The following FBXL7 variants were observed in gnomAD, a reference collection of about 807,000 sequenced individuals.
The protein encoded by FBXL7 is F-box and leucine rich repeat protein 7, also known as F-box/LRR-repeat protein 7.
Under a neutral mutation model 38.3 loss-of-function variants are expected in FBXL7, and 12 were observed. The observed-to-expected ratio is 0.31, with a 90% CI of 0.20 to 0.51. The LOEUF (loss-of-function observed/expected upper bound fraction) is 0.51, where lower values mean the gene tolerates loss of function less well. Ranked by LOEUF, FBXL7 falls within the 20% of genes least tolerant of loss-of-function variation. The probability of loss-of-function intolerance (pLI) is 0.98; values close to 1 mark genes in which losing one functional copy is unlikely to be tolerated. For synonymous variants in FBXL7, 297 were observed against 300.9 expected, an observed-to-expected ratio of 0.99 and a Z score of 0.13; for missense variants, 567 against 676.4, an observed-to-expected ratio of 0.84 and a Z score of 1.79.
chr5:15,801,328 G>T (rs1737558034), intron 2 of FBXL7, among the ~76,000 whole-genome samples: 1 of 152,150 alleles, frequency 6.6e-6, no homozygotes, highest in Non-Finnish European at 1.5e-5. Flanking sequence ...TAACTTACAG[G>T]TTAAGTCCAT....
At chr5:15,933,588 A>G (rs1261015293) in intron 3 of FBXL7, among the ~76,000 whole-genome samples, 6 of 152,338 alleles carry the variant, frequency 3.9e-5, no homozygotes, top group Non-Finnish European at 7.3e-5. Context: ...CAAAACCACA[A>G]AGCCCACTGG....
At chr5:15,686,019 T>C (rs1200094665) in intron 2 of FBXL7, among the ~76,000 whole-genome samples, 1 of 152,172 alleles carries the variant, frequency 6.6e-6, no homozygotes, top group Admixed American at 6.5e-5. Context: ...GTTGCCCCTT[T>C]TGCCATAGAG....
chr5:15,563,830 A>T (rs1224701382), intron 1 of FBXL7, among the ~76,000 whole-genome samples: 1 of 152,132 alleles, frequency 6.6e-6, no homozygotes, highest in East Asian at 1.9e-4. Flanking sequence ...GATGCCTCAT[A>T]AAATGAAGCT....
At chr5:15,642,926 T>C (rs1741413723) in intron 2 of FBXL7, among the ~76,000 whole-genome samples, 1 of 152,230 alleles carries the variant, frequency 6.6e-6, no homozygotes, top group Non-Finnish European at 1.5e-5. Flanking sequence ...AACTCTACTT[T>C]CTGCCTTTCT....
intron 1 of FBXL7, among the ~76,000 whole-genome samples, chr5:15,519,510 C>T (rs1052764111): frequency 6.6e-6 from 1 of 151,854 alleles, no homozygotes; most frequent in African/African-American, 2.4e-5. Flanking sequence ...ACAGGAACTT[C>T]CTGTCTGTGG....
intron 2 of FBXL7, among the ~76,000 whole-genome samples, chr5:15,737,650 C>T (rs1294884865): frequency 2.0e-5 from 3 of 152,052 alleles, no homozygotes; most frequent in Admixed American, 6.5e-5. Context: ...TGAGAAATAC[C>T]CTGCGCTTCA....
chr5:15,774,085 C>G (rs185632916), intron 2 of FBXL7, among the ~76,000 whole-genome samples: 5 of 152,034 alleles, frequency 3.3e-5, no homozygotes, highest in South Asian at 4.1e-4. Flanking sequence ...GGTCAGAAGT[C>G]TAAATCAAGG....
intron 1 of FBXL7, among the ~76,000 whole-genome samples, chr5:15,507,134 C>T (rs984692806): frequency 2.4e-4 from 36 of 152,006 alleles, no homozygotes; most frequent in African/African-American, 8.7e-4. Flanking sequence ...TGCTGCCTGA[C>T]TTATTGGATA....
intron 2 of FBXL7, among the ~76,000 whole-genome samples, chr5:15,744,695 T>G (rs1293707794): frequency 6.6e-6 from 1 of 152,214 alleles, no homozygotes; most frequent in African/African-American, 2.4e-5. Flanking sequence ...TGTAGCAATT[T>G]AGTGTATTAA....
At chr5:15,762,969 C>CG (rs1561116813) in intron 2 of FBXL7, among the ~76,000 whole-genome samples, 4 of 152,198 alleles carry the variant, frequency 2.6e-5, no homozygotes, top group Admixed American at 1.3e-4. Context: ...TTAAATGGCC[C>CG]CAAATTGCTC....
chr5:15,813,189 G>A (rs1411333992), intron 2 of FBXL7, among the ~76,000 whole-genome samples: 1 of 152,008 alleles, frequency 6.6e-6, no homozygotes, highest in Non-Finnish European at 1.5e-5. Flanking sequence ...GGTGAGGGAG[G>A]GCATCCTTGT....
chr5:15,897,108 G>C (rs1741121401), intron 2 of FBXL7, among the ~76,000 whole-genome samples: 1 of 152,198 alleles, frequency 6.6e-6, no homozygotes, highest in East Asian at 1.9e-4. Context: ...ACTCCAGCCT[G>C]GGTGATGGAG....
At chr5:15,807,364 A>G (rs1400802391) in intron 2 of FBXL7, among the ~76,000 whole-genome samples, 2 of 152,204 alleles carry the variant, frequency 1.3e-5, no homozygotes, top group Non-Finnish European at 2.9e-5. Context: ...GAGATCCTCC[A>G]CATGCCTCTT....
chr5:15,736,060 A>G (rs904873243), intron 2 of FBXL7, among the ~76,000 whole-genome samples: 1 of 152,212 alleles, frequency 6.6e-6, no homozygotes, highest in Non-Finnish European at 1.5e-5. Flanking sequence ...GTTGCTTCAG[A>G]TGTAAGATTT....
intron 2 of FBXL7, among the ~76,000 whole-genome samples, chr5:15,806,029 A>G (rs1737702750): frequency 6.6e-6 from 1 of 152,192 alleles, no homozygotes; most frequent in Admixed American, 6.5e-5. Context: ...ACAGAATAAA[A>G]TTTTACAAGT....
Position 15,928,616 on chromosome 5 carries a change from G to A in FBXL7, c.739+115G>A, listed in dbSNP as rs574435787. ...CTTGCAAGCCATCAGAGATGGGGGCGGGTGGTAGGGAGGCTGGCTTTTGCA... is the reference window on the plus strand; with the variant it reads ...CTTGCAAGCCATCAGAGATGGGGGCAGGTGGTAGGGAGGCTGGCTTTTGCA... On this transcript the variant is annotated intron_variant, in intron 3 of 3. Coordinates refer to ENST00000504595, the MANE Select transcript of FBXL7 (RefSeq NM_012304.5). The surrounding 1 kb of genome is among the most constrained non-coding windows in gnomAD (Gnocchi z 4.0). 27 of 1,361,046 alleles carry A rather than the reference G, an allele frequency of 2.0e-5. No individual in the cohort carries two copies. In the African/African-American group the frequency reaches 2.3e-4, roughly 12 times the overall value. The allele number at this position is 1,361,046 out of a possible 1,614,324, so 84.3% of individuals were successfully genotyped here.
chr5:15,579,488 C>T (rs1371311283), intron 1 of FBXL7, among the ~76,000 whole-genome samples: 1 of 152,190 alleles, frequency 6.6e-6, no homozygotes, highest in Admixed American at 6.5e-5. Flanking sequence ...TTACGAAACA[C>T]AGATGCTTCC....
chr5:15,566,356 G>A (rs903249246), intron 1 of FBXL7, among the ~76,000 whole-genome samples: 2 of 152,150 alleles, frequency 1.3e-5, no homozygotes, highest in Admixed American at 1.3e-4. Flanking sequence ...TATAAGTTGA[G>A]TTGGCAGAGA....
chr5:15,791,959 G>T (rs1461169442), intron 2 of FBXL7, among the ~76,000 whole-genome samples: 2 of 152,144 alleles, frequency 1.3e-5, no homozygotes, highest in South Asian at 4.1e-4. Context: ...TGATTCCCAA[G>T]AGTGTCCCGT....
Sources: gnomAD v4.1 joint callset for allele counts (sites outside exome capture counted in the v4.1 genomes callset) on GRCh38, gnomAD v4.1.1 for gene constraint, Gnocchi (gnomAD v3.1) non-coding constraint, MANE v1.5 for transcripts, NCBI Gene and HGNC (gene_info 2026-07-23, HGNC 2026-07-21) for gene names.